Variants in MITF observed in about 807,000 individuals in gnomAD.
The protein encoded by MITF is microphthalmia-associated transcription factor.
A neutral mutation model predicts 60.5 loss-of-function variants in MITF; 17 were observed. The ratio of observed to expected loss-of-function variants is 0.28; its 90% CI spans 0.19 to 0.42. The LOEUF (loss-of-function observed/expected upper bound fraction) is 0.42. Ranked by LOEUF, MITF falls within the 10% of genes least tolerant of loss-of-function variation. MITF has a pLI of 1.00. For synonymous variants in MITF, 260 were observed against 248.5 expected (o/e 1.05, Z -0.43); for missense variants, 622 against 683.5 (o/e 0.91, Z 1.00).
chr3:69,907,414 A>G (rs887771522), intron 2 of MITF, among the ~76,000 whole-genome samples: 2 of 152,188 alleles, frequency 1.3e-5, no homozygotes, highest in Non-Finnish European at 2.9e-5. Context: ...GCATTGTTAT[A>G]GGTGCCAGGG....
chr3:69,838,492 C>G (rs2107129665), intron 1 of MITF: 1 of 152,670 alleles, frequency 6.6e-6, no homozygotes, highest in South Asian at 2.1e-4. Flanking sequence ...TAATAAAAAC[C>G]AGACGCATAT....
chr3:69,950,473 TA>T (rs2066217316), intron 6 of MITF, among the ~76,000 whole-genome samples: 1 of 147,656 alleles, frequency 6.8e-6, no homozygotes, highest in East Asian at 2.0e-4. Flanking sequence ...TATATATATA[TA>T]TATGCACACA....
At position 69,739,551 on chromosome 3, in the gene MITF, G is replaced by A; in HGVS notation, c.-47G>A. The A allele has an allele frequency of 6.6e-7, 1 of 1,511,130 alleles. No homozygotes were observed. The highest frequency in any genetic ancestry group is 9.0e-7 in the Non-Finnish European group (1 of 1,109,916). The allele number at this position is 1,511,130 out of a possible 1,614,324, so 93.6% of individuals were successfully genotyped here. ...CCCAGCTACCTTCCCTCCGCCCCCG[G>A]GCTCTGTTCTCACTTTCCAGCAGTG... On this transcript the variant is annotated 5_prime_UTR_variant, in exon 1 of 10. Coordinates refer to ENST00000352241, the MANE Select transcript of MITF (RefSeq NM_001354604.2).
intron 2 of MITF, among the ~76,000 whole-genome samples, chr3:69,935,370 G>A (rs1444261369): frequency 4.6e-5 from 7 of 152,130 alleles, no homozygotes; most frequent in African/African-American, 1.2e-4. Context: ...TAAAGAATTA[G>A]GATCTGCCAG....
intron 1 of MITF, among the ~76,000 whole-genome samples, chr3:69,810,671 C>G (rs2063086755): frequency 6.6e-6 from 1 of 152,076 alleles, no homozygotes; most frequent in African/African-American, 2.4e-5. Context: ...TTATCAGTGA[C>G]AAGGAAATAA....
At chr3:69,855,104 C>CA (rs1456434233) in intron 1 of MITF, among the ~76,000 whole-genome samples, 1 of 151,744 alleles carries the variant, frequency 6.6e-6, no homozygotes, top group African/African-American at 2.4e-5. Flanking sequence ...CCCCGCCCCC[C>CA]AGGGACTACT....
At chr3:69,767,178 T>TA (rs551788026) in intron 1 of MITF, among the ~76,000 whole-genome samples, 19 of 152,176 alleles carry the variant, frequency 1.2e-4, no homozygotes, top group Non-Finnish European at 2.6e-4. Context: ...GGGGCACAGT[T>TA]ATGGAGCACC....
intron 1 of MITF, among the ~76,000 whole-genome samples, chr3:69,834,911 G>A (rs2063515931): frequency 7.3e-6 from 1 of 136,232 alleles, no homozygotes; most frequent in African/African-American, 2.7e-5. Context: ...CTACGGCTTT[G>A]ATTTGCATTT....
At chr3:69,836,769 G>A (rs894078617) in intron 1 of MITF, among the ~76,000 whole-genome samples, 1 of 152,118 alleles carries the variant, frequency 6.6e-6, no homozygotes, top group Non-Finnish European at 1.5e-5. Context: ...GTAGCAGTCA[G>A]ATTTTTTGGT....
chr3:69,836,900 A>T (rs2107123232), intron 1 of MITF, among the ~76,000 whole-genome samples: 1 of 152,310 alleles, frequency 6.6e-6, no homozygotes, highest in South Asian at 2.1e-4. Context: ...CCAGAGGCTG[A>T]CTGGCCAGGA....
At chr3:69,944,598 A>C (rs1396178851) in intron 5 of MITF, among the ~76,000 whole-genome samples, 1 of 152,122 alleles carries the variant, frequency 6.6e-6, no homozygotes, top group East Asian at 1.9e-4. Context: ...GGGAAAGACA[A>C]TGTAACTTCA....
At chr3:69,908,668 T>G (rs1458027943) in intron 2 of MITF, among the ~76,000 whole-genome samples, 1 of 152,196 alleles carries the variant, frequency 6.6e-6, no homozygotes, top group East Asian at 1.9e-4. Flanking sequence ...AATAATGAAA[T>G]TAGGTACAAC....
chr3:69,826,971 A>T (rs1323119446), intron 1 of MITF, among the ~76,000 whole-genome samples: 1 of 151,914 alleles, frequency 6.6e-6, no homozygotes, highest in Non-Finnish European at 1.5e-5. Context: ...TGCCTGTTGT[A>T]TTCTAGGTAC....
intron 1 of MITF, among the ~76,000 whole-genome samples, chr3:69,766,614 C>T (rs547451095): frequency 1.3e-5 from 2 of 152,138 alleles, no homozygotes; most frequent in South Asian, 2.1e-4. Flanking sequence ...AGTGAATGCA[C>T]GTTTTGGGAG....
chr3:69,806,862 A>G (rs963392960), intron 1 of MITF, among the ~76,000 whole-genome samples: 5 of 152,210 alleles, frequency 3.3e-5, no homozygotes, highest in African/African-American at 1.2e-4. Flanking sequence ...AATGAAAACC[A>G]CAGTTATTGT....
chr3:69,902,529 A>G (rs370573261), intron 2 of MITF, among the ~76,000 whole-genome samples: 3 of 152,188 alleles, frequency 2.0e-5, no homozygotes, highest in Non-Finnish European at 2.9e-5. Context: ...GTGGGTTTGC[A>G]TGGATAATTT....
intron 1 of MITF, among the ~76,000 whole-genome samples, chr3:69,765,046 C>T (rs2062268987): frequency 6.6e-6 from 1 of 152,140 alleles, no homozygotes; most frequent in African/African-American, 2.4e-5. Flanking sequence ...TGGAAGTGTG[C>T]ACACAGGATG....
rs184206745 is a variant in MITF, at chr3:69,922,520, G to A, written c.355-15302G>A. On this transcript the variant is annotated intron_variant, in intron 2 of 9. Transcript: ENST00000352241. ...CAGGAGTGAGCCACCACACCCGGCC[G>A]CCATTGCTTTTTAGTTTTTGTTTTT... is the stretch of plus-strand genomic sequence containing the variant. Among the ~76,000 whole-genome samples the A allele has an allele frequency of 2.5e-4, 38 of 152,186 alleles. No homozygotes were observed. In the South Asian group the frequency reaches 4.4e-3, roughly 17 times the overall value.
intron 1 of MITF, among the ~76,000 whole-genome samples, chr3:69,851,539 G>A (rs933637398): frequency 6.6e-6 from 1 of 152,140 alleles, no homozygotes; most frequent in Non-Finnish European, 1.5e-5. Flanking sequence ...CACTTGCTAA[G>A]GGACAAAAAA....
Sources: gnomAD v4.1 joint callset for allele counts (sites outside exome capture counted in the v4.1 genomes callset) on GRCh38, gnomAD v4.1.1 for gene constraint, MANE v1.5 for transcripts, NCBI Gene and HGNC (gene_info 2026-07-23, HGNC 2026-07-21) for gene names.